Variants in ARHGAP12 observed in about 807,000 individuals in gnomAD.
The protein encoded by ARHGAP12 is rho GTPase-activating protein 12.
In ARHGAP12, 64 loss-of-function variants were observed where a neutral mutation model predicts 108.6. That is an observed-to-expected ratio of 0.59 (90% confidence interval 0.48 to 0.73). The LOEUF (loss-of-function observed/expected upper bound fraction) is 0.73. ARHGAP12 is among the 30% of genes least tolerant of loss of function. ARHGAP12 has a pLI of 0.00. For missense variants in ARHGAP12, 940 were observed against 1,005.9 expected (o/e 0.93, Z 0.89); for synonymous variants, 312 against 337.2 (o/e 0.93, Z 0.82).
chr10:31,864,977 G>A (rs1837268438), intron 3 of ARHGAP12, among the ~76,000 whole-genome samples: 1 of 148,904 alleles, frequency 6.7e-6, no homozygotes, highest in African/African-American at 2.6e-5. Context: ...ATAAACAGGA[G>A]TTAGCCCGGT....
intron 4 of ARHGAP12, among the ~76,000 whole-genome samples, chr10:31,855,072 A>G: frequency 1.4e-5 from 1 of 69,244 alleles, no homozygotes; most frequent in Non-Finnish European, 2.7e-5. Flanking sequence ...GGGAAGGGGG[A>G]GGAAAGGAGG....
At chr10:31,840,675 C>T (rs539758144) in intron 7 of ARHGAP12, among the ~76,000 whole-genome samples, 91 of 152,160 alleles carry the variant, frequency 6.0e-4, no homozygotes, top group African/African-American at 2.0e-3. Context: ...TGTCAACCAA[C>T]CTGGGAATTT....
chr10:31,819,824 C>A (rs1284310388), intron 12 of ARHGAP12, among the ~76,000 whole-genome samples: 1 of 152,096 alleles, frequency 6.6e-6, no homozygotes, highest in Non-Finnish European at 1.5e-5. Flanking sequence ...TCAGCCCAGG[C>A]CAGGCTGAGC....
At chr10:31,825,878 T>C (rs7896588) in intron 11 of ARHGAP12, among the ~76,000 whole-genome samples, 284 of 152,316 alleles carry the variant, frequency 1.9e-3, no homozygotes, top group African/African-American at 6.6e-3. Flanking sequence ...ATCCAGACAC[T>C]GACACCTCAA....
At chr10:31,886,918 T>C (rs1838210420) in intron 3 of ARHGAP12, among the ~76,000 whole-genome samples, 1 of 152,206 alleles carries the variant, frequency 6.6e-6, no homozygotes. Context: ...CACATGATCT[T>C]CAGGCCTTTC....
chr10:31,861,879 T>A (rs929061036), intron 3 of ARHGAP12, among the ~76,000 whole-genome samples: 3 of 152,190 alleles, frequency 2.0e-5, no homozygotes, highest in African/African-American at 7.2e-5. Flanking sequence ...CATAATACTT[T>A]CCTTTACCTG....
intron 3 of ARHGAP12, among the ~76,000 whole-genome samples, chr10:31,892,014 C>T (rs1375973502): frequency 1.3e-5 from 2 of 152,126 alleles, no homozygotes; most frequent in African/African-American, 4.8e-5. Flanking sequence ...AATCTCTTTG[C>T]AATGGGTTCG....
intron 3 of ARHGAP12, among the ~76,000 whole-genome samples, chr10:31,862,696 GCACACACAGACA>G (rs374502811): frequency 0.044 from 5,431 of 122,184 alleles, 141 homozygotes; most frequent in African/African-American, 0.071. Context: ...AGTGGCGCAT[GCACACACAGACA>G]CACACACACA....
chr10:31,916,103 T>G (rs1264359659), intron 1 of ARHGAP12, among the ~76,000 whole-genome samples: 1 of 152,134 alleles, frequency 6.6e-6, no homozygotes, highest in East Asian at 1.9e-4. Flanking sequence ...CCAAGCACAA[T>G]ACTCCTGGAA....
intron 6 of ARHGAP12, among the ~76,000 whole-genome samples, chr10:31,843,928 T>C (rs755946921): frequency 3.3e-5 from 5 of 152,336 alleles, no homozygotes; most frequent in Admixed American, 6.5e-5. Flanking sequence ...GAAGAAAGTA[T>C]TAAAAGAGTA....
At chr10:31,836,251 A>T (rs1028875182) in intron 9 of ARHGAP12, among the ~76,000 whole-genome samples, 2 of 152,188 alleles carry the variant, frequency 1.3e-5, no homozygotes, top group Non-Finnish European at 2.9e-5. Context: ...GCATATTCTA[A>T]AACTTTACTC....
intron 6 of ARHGAP12, among the ~76,000 whole-genome samples, chr10:31,848,545 T>G (rs1836550222): frequency 6.6e-6 from 1 of 152,218 alleles, no homozygotes; most frequent in Non-Finnish European, 1.5e-5. Flanking sequence ...TCCATTTTTC[T>G]TAACTATGCT....
intron 3 of ARHGAP12, among the ~76,000 whole-genome samples, chr10:31,864,306 T>G (rs1250687850): frequency 2.6e-5 from 4 of 151,966 alleles, no homozygotes; most frequent in African/African-American, 9.7e-5. Flanking sequence ...CCAAAAAATC[T>G]CATTCATAAT....
intron 12 of ARHGAP12, among the ~76,000 whole-genome samples, chr10:31,819,386 G>C (rs941628940): frequency 6.6e-6 from 1 of 152,142 alleles, no homozygotes; most frequent in Non-Finnish European, 1.5e-5. Flanking sequence ...AAAGAGGTTG[G>C]GATCTGGAAG....
chr10:31,914,798 C>T (rs1464589581), intron 1 of ARHGAP12, among the ~76,000 whole-genome samples: 1 of 152,134 alleles, frequency 6.6e-6, no homozygotes, highest in Non-Finnish European at 1.5e-5. Flanking sequence ...GGCATATATT[C>T]TAAGGAAATG....
intron 3 of ARHGAP12, among the ~76,000 whole-genome samples, chr10:31,876,098 G>C (rs797008305): frequency 6.6e-6 from 1 of 152,208 alleles, no homozygotes; most frequent in Non-Finnish European, 1.5e-5. Flanking sequence ...ATTCTGCTAT[G>C]AACATGGTGT....
At chr10:31,900,229 T>G (rs938833082) in intron 3 of ARHGAP12, among the ~76,000 whole-genome samples, 1 of 152,224 alleles carries the variant, frequency 6.6e-6, no homozygotes, top group Non-Finnish European at 1.5e-5. Context: ...CTCGTGAATA[T>G]GTGGTACAAC....
rs145167287 is a variant in ARHGAP12, at chr10:31,883,305, G to A, written c.685-21647C>T. The stretch of plus-strand genomic sequence containing the variant: ...AGCAAAACTCCATTTCAAAAAAAAA[G>A]AAATACCTACTCTTTTAAGACTTAC... On this transcript the variant is annotated intron_variant, in intron 3 of 19. Transcript: ENST00000344936. Among the ~76,000 whole-genome samples the A allele has an allele frequency of 1.5e-3, 234 of 152,180 alleles. 1 individual carries two copies. The highest frequency in any genetic ancestry group is 3.4e-3 in the Middle Eastern group (1 of 294).
chr10:31,904,823 C>T (rs1465688485), intron 3 of ARHGAP12, among the ~76,000 whole-genome samples: 3 of 151,934 alleles, frequency 2.0e-5, no homozygotes, highest in Non-Finnish European at 1.5e-5. Context: ...GATGGAGTTT[C>T]GCCATGTTTC....
Sources: allele counts gnomAD v4.1 joint callset (sites outside exome capture counted in the v4.1 genomes callset), GRCh38; gene constraint gnomAD v4.1.1; transcripts MANE v1.5; gene names NCBI Gene and HGNC (gene_info 2026-07-23, HGNC 2026-07-21).